Variants in TAS2R8 observed in about 807,000 individuals in gnomAD.
TAS2R8 encodes taste 2 receptor member 8.
For synonymous variants in TAS2R8, 139 were observed against 123.9 expected (o/e 1.12, Z -0.81); for missense variants, 396 against 358.1 (o/e 1.11, Z -0.85).
Position 10,807,135 on chromosome 12 carries a change from C to A in TAS2R8, c.-155G>T. Reference sequence around the variant, plus strand: ...TTGTTATTCTTCCGGAAGTGTTCAGCTCTCCTCTGAAATAGGATTGTCTCT... The same window carrying A: ...TTGTTATTCTTCCGGAAGTGTTCAGATCTCCTCTGAAATAGGATTGTCTCT... On this transcript the variant is annotated 5_prime_UTR_variant, in exon 1 of 1. Coordinates refer to ENST00000240615, the MANE Select transcript of TAS2R8 (RefSeq NM_023918.3). 1 of 653,626 alleles carries A rather than the reference C, an allele frequency of 1.5e-6. No individual in the cohort carries two copies. The highest frequency in any genetic ancestry group is 2.8e-5 in the East Asian group (1 of 36,026). 40.5% of individuals were successfully genotyped at this position (653,626 alleles called of 1,614,324 possible).
rs538088047 is a variant in TAS2R8, at chr12:10,807,231, A to T, written c.-251T>A. ...TTTATAGCCTGGAAAAATTATAATTATTATCCTTTAGTGAGTGATACCTGA... is the reference window on the plus strand; with the variant it reads ...TTTATAGCCTGGAAAAATTATAATTTTTATCCTTTAGTGAGTGATACCTGA... On this transcript the variant is annotated 5_prime_UTR_variant, in exon 1 of 1. Transcript: ENST00000240615. 2.5e-6 allele frequency: 1 copy of T among 407,874 alleles called. No homozygotes were observed. Among genetic ancestry groups the T allele is most frequent in the African/African-American group, 2.0e-5 (1 of 48,832 alleles). The allele number at this position is 407,874 out of a possible 1,614,324, so 25.3% of individuals were successfully genotyped here. A position where few individuals can be genotyped will look rare whatever the true frequency, so the allele number is the denominator to read the frequency against.
chr12:10,806,966 T>G lies in TAS2R8; in HGVS notation c.15A>C (p.Ala5=). The change falls in exon 1 of 1, where the codon GCA becomes GCC. Residue 5 remains alanine (A), a synonymous_variant. Coordinates refer to ENST00000240615, the MANE Select transcript of TAS2R8 (RefSeq NM_023918.3). The part of the protein sequence containing the change: MFSP[A]DNIFIILITG... Reference sequence around the variant, plus strand: ...TTATTAGGATTATAAAGATGTTATCTGCAGGACTGAACATGTTTGTAGAGA... The same window carrying G: ...TTATTAGGATTATAAAGATGTTATCGGCAGGACTGAACATGTTTGTAGAGA... The G allele has an allele frequency of 6.2e-7, 1 of 1,604,828 alleles. No individual in the cohort carries two copies. The highest frequency in any genetic ancestry group is 8.5e-7 in the Non-Finnish European group (1 of 1,176,752).
At position 10,806,067 on chromosome 12, in the gene TAS2R8, A is replaced by G. The variant is rs968721861; in HGVS notation, c.914T>C (p.Ile305Thr). ...GCTAAGATTTCATATCATGCAGGCA[A>G]TTTTTCTACATGTCAGCATTCTGAC... ...TFVRMLTCRK[I>T]ACMI The change falls in exon 1 of 1, where the codon ATT becomes ACT. Residue 305 changes from isoleucine to threonine, a missense_variant. Transcript: ENST00000240615. 1.0e-5 allele frequency: 16 copies of G among 1,592,490 alleles called. No homozygotes were observed. The highest frequency in any genetic ancestry group is 1.3e-5 in the Non-Finnish European group (15 of 1,172,628).
chr12:10,806,631 G>A lies in TAS2R8; in HGVS notation c.350C>T (p.Pro117Leu), dbSNP rs1205135931. 1 of 1,613,808 alleles carries A rather than the reference G, an allele frequency of 6.2e-7. No homozygotes were observed. The highest frequency in any genetic ancestry group is 1.3e-5 in the African/African-American group (1 of 74,920). The change falls in exon 1 of 1, where the codon CCA becomes CTA. Residue 117 changes from proline to leucine, a missense_variant. Physicochemically the swap from Pro to Leu is moderately conservative, Grantham distance 98. Coordinates refer to ENST00000240615, the MANE Select transcript of TAS2R8 (RefSeq NM_023918.3). ...YFLKIASSSH[P>L]LFLWLKWKID... The stretch of plus-strand genomic sequence containing the variant: ...TTTCCACTTCAGCCAGAGAAAAAGT[G>A]GATGAGAGGAACTGGCTATCTTCAG...
rs1468307612 is a variant in TAS2R8, at chr12:10,806,298, T to G, written c.683A>C (p.Glu228Ala). 6.2e-7 allele frequency: 1 copy of G among 1,613,664 alleles called. No homozygotes were observed. Among genetic ancestry groups the G allele is most frequent in the Non-Finnish European group, 8.5e-7 (1 of 1,179,912 alleles). ...YATGSRDPST[E>A]VHVRAIKTMT... ...AGTTTTAATGGCTCTCACATGAACTTCTGTGCTGGGGTCTCTACTGCCGGT... is the reference window on the plus strand; with the variant it reads ...AGTTTTAATGGCTCTCACATGAACTGCTGTGCTGGGGTCTCTACTGCCGGT... Residue 228 changes from glutamate to alanine, a missense_variant, in exon 1 of 1, where the codon GAA (glutamate) becomes GCA (alanine). Transcript: ENST00000240615.
chr12:10,806,751 G>T lies in TAS2R8; in HGVS notation c.230C>A (p.Thr77Lys), dbSNP rs79486663. 6.2e-7 allele frequency: 1 copy of T among 1,613,726 alleles called. No individual in the cohort carries two copies. ...IVIVLNPDVY[T>K]KNKQQIVIFT... Reference sequence around the variant, plus strand: ...AATGACTATCTGTTGTTTATTTTTTGTATAAACATCTGGGTTCAGTACTAT... The same window carrying T: ...AATGACTATCTGTTGTTTATTTTTTTTATAAACATCTGGGTTCAGTACTAT... The change falls in exon 1 of 1, where the codon ACA becomes AAA. Residue 77 changes from threonine (T) to lysine (K), a missense_variant. Coordinates refer to ENST00000240615, the MANE Select transcript of TAS2R8 (RefSeq NM_023918.3).
In TAS2R8 at chr12:10,806,781, A is replaced by G. The variant is rs148439408; in HGVS notation, c.200T>C (p.Ile67Thr). The part of the protein sequence containing the change: ...CLISVMVVNG[I>T]VIVLNPDVYT... Reference sequence around the variant, plus strand: ...AACATCTGGGTTCAGTACTATTACAATGCCATTTACAACCATTACACTGAT... The same window carrying G: ...AACATCTGGGTTCAGTACTATTACAGTGCCATTTACAACCATTACACTGAT... The change falls in exon 1 of 1, where the codon ATT becomes ACT. Residue 67 changes from isoleucine (I) to threonine (T), a missense_variant. Physicochemically the swap from Ile to Thr is moderately conservative, Grantham distance 89 (BLOSUM62 -1). Coordinates refer to ENST00000240615, the MANE Select transcript of TAS2R8 (RefSeq NM_023918.3). The G allele has an allele frequency of 6.2e-7, 1 of 1,613,946 alleles. No homozygotes were observed. The highest frequency in any genetic ancestry group is 8.5e-7 in the Non-Finnish European group (1 of 1,179,904).
At position 10,806,573 on chromosome 12, in the gene TAS2R8, T is replaced by C; in HGVS notation, c.408A>G (p.Gly136=). ...TGACCAACAAGGAAATGGCAAAGCA[T>C]CCCAGCAGGATCCAGTGCACCACCA... ...IDMVVHWILL[G]CFAISLLVSL... The change falls in exon 1 of 1, where the codon GGA becomes GGG. Residue 136 remains glycine (G), a synonymous_variant. Coordinates refer to ENST00000240615, the MANE Select transcript of TAS2R8 (RefSeq NM_023918.3). 6.2e-7 allele frequency: 1 copy of C among 1,613,858 alleles called. No individual in the cohort carries two copies. Among genetic ancestry groups the C allele is most frequent in the Non-Finnish European group, 8.5e-7 (1 of 1,179,908 alleles).
Position 10,807,063 on chromosome 12 carries a change from A to G in TAS2R8, c.-83T>C, listed in dbSNP as rs979941113. 3.1e-5 allele frequency: 34 copies of G among 1,095,572 alleles called. No individual in the cohort carries two copies. Among genetic ancestry groups the G allele is most frequent in the Middle Eastern group, 2.7e-4 (1 of 3,760 alleles). 67.9% of individuals were successfully genotyped at this position (1,095,572 alleles called of 1,614,324 possible). A position where few individuals can be genotyped will look rare whatever the true frequency, so the allele number is the denominator to read the frequency against. On this transcript the variant is annotated 5_prime_UTR_variant, in exon 1 of 1. Transcript: ENST00000240615. ...TGACCTGTTAAAGCATGATAGATCA[A>G]TTCTTCGAATCATGCAATAATGTTT...
chr12:10,807,014 A>G lies in TAS2R8; in HGVS notation c.-34T>C, dbSNP rs1261124531. ...AGAGAACAATCTGATTTCAAATATC[A>G]CTGTAGATGAGCTAATTTACAGGTG... On this transcript the variant is annotated 5_prime_UTR_variant, in exon 1 of 1. Transcript: ENST00000240615. 1.1e-5 allele frequency: 17 copies of G among 1,504,714 alleles called. No individual in the cohort carries two copies. Among genetic ancestry groups the G allele is most frequent in the Non-Finnish European group, 1.3e-5 (15 of 1,115,618 alleles). The allele number at this position is 1,504,714 out of a possible 1,614,324, so 93.2% of individuals were successfully genotyped here. A position where few individuals can be genotyped will look rare whatever the true frequency, so the allele number is the denominator to read the frequency against.
chr12:10,806,175 A>G lies in TAS2R8; in HGVS notation c.806T>C (p.Phe269Ser). ...LMTKYKLAVE[F>S]GEIAAILYPL... ...GTAGAGAATTGCTGCAATCTCTCCA[A>G]ACTCCACAGCTAACTTGTATTTTGT... The change falls in exon 1 of 1, where the codon TTT becomes TCT. Residue 269 changes from phenylalanine to serine, a missense_variant. Transcript: ENST00000240615. The G allele has an allele frequency of 6.2e-7, 1 of 1,613,648 alleles. No individual in the cohort carries two copies. The highest frequency in any genetic ancestry group is 8.5e-7 in the Non-Finnish European group (1 of 1,179,818).
In TAS2R8 at chr12:10,806,802, C is replaced by T. The variant is rs774628318; in HGVS notation, c.179G>A (p.Ser60Asn). 6.2e-7 allele frequency: 1 copy of T among 1,613,922 alleles called. No individual in the cohort carries two copies. The highest frequency in any genetic ancestry group is 2.2e-5 in the East Asian group (1 of 44,854). ...NLVIARICLI[S>N]VMVVNGIVIV... Reference sequence around the variant, plus strand: ...TACAATGCCATTTACAACCATTACACTGATCAAACAAATTCTGGCGATAAC... The same window carrying T: ...TACAATGCCATTTACAACCATTACATTGATCAAACAAATTCTGGCGATAAC... The change falls in exon 1 of 1, where the codon AGT becomes AAT. Residue 60 changes from serine to asparagine, a missense_variant. By Grantham distance (46) the Ser-to-Asn change is conservative. Transcript: ENST00000240615.
Position 10,807,202 on chromosome 12 carries a change from G to A in TAS2R8, c.-222C>T, listed in dbSNP as rs1477107186. 1 of 458,016 alleles carries A rather than the reference G, an allele frequency of 2.2e-6. No individual in the cohort carries two copies. Among genetic ancestry groups the A allele is most frequent in the African/African-American group, 2.0e-5 (1 of 49,806 alleles). The allele number at this position is 458,016 out of a possible 1,614,324, so 28.4% of individuals were successfully genotyped here. ...AACCAACTAATGAGCAGCTTGACTA[G>A]TTATTTATAGCCTGGAAAAATTATA... On this transcript the variant is annotated 5_prime_UTR_variant, in exon 1 of 1. Transcript: ENST00000240615.
rs1948719812 is a variant in TAS2R8, at chr12:10,806,062, A to T, written c.919T>A (p.Cys307Ser). The T allele has an allele frequency of 6.3e-7, 1 of 1,589,498 alleles. No individual in the cohort carries two copies. The highest frequency in any genetic ancestry group is 8.5e-7 in the Non-Finnish European group (1 of 1,171,512). The change falls in exon 1 of 1, where the codon TGC becomes AGC. Residue 307 changes from cysteine to serine, a missense_variant. By Grantham distance (112) the Cys-to-Ser change is moderately radical (BLOSUM62 -1). Transcript: ENST00000240615. ...ATACAGCTAAGATTTCATATCATGC[A>T]GGCAATTTTTCTACATGTCAGCATT... ...VRMLTCRKIA[C>S]MI
At position 10,806,538 on chromosome 12, in the gene TAS2R8, G is replaced by C. The variant is rs138116247; in HGVS notation, c.443C>G (p.Ala148Gly). 4.4e-5 allele frequency: 71 copies of C among 1,613,850 alleles called. No individual in the cohort carries two copies. In the African/African-American group the frequency reaches 9.1e-4, roughly 21 times the overall value. The part of the protein sequence containing the change: ...FAISLLVSLI[A>G]AIVLSCDYRF... ...ATAATCACAACTCAGTACTATTGCT[G>C]CTATAAGGCTGACCAACAAGGAAAT... Residue 148 changes from alanine (A) to glycine (G), a missense_variant, in exon 1 of 1, where the codon GCA becomes GGA. By Grantham distance (60) the Ala-to-Gly change is moderately conservative. Coordinates refer to ENST00000240615, the MANE Select transcript of TAS2R8 (RefSeq NM_023918.3).
Position 10,806,287 on chromosome 12 carries a change from T to C in TAS2R8, c.694A>G (p.Arg232Gly), listed in dbSNP as rs113282319. The change falls in exon 1 of 1, where the codon AGA (arginine) becomes GGA (glycine). Residue 232 changes from arginine (R) to glycine (G), a missense_variant. Coordinates refer to ENST00000240615, the MANE Select transcript of TAS2R8 (RefSeq NM_023918.3). ...SRDPSTEVHV[R>G]AIKTMTSFIF... ...AATGAAGTCATAGTTTTAATGGCTCTCACATGAACTTCTGTGCTGGGGTCT... is the reference window on the plus strand; with the variant it reads ...AATGAAGTCATAGTTTTAATGGCTCCCACATGAACTTCTGTGCTGGGGTCT... 1 of 1,613,722 alleles carries C rather than the reference T, an allele frequency of 6.2e-7. No homozygotes were observed. The highest frequency in any genetic ancestry group is 8.5e-7 in the Non-Finnish European group (1 of 1,179,876).
chr12:10,807,025 G>T lies in TAS2R8; in HGVS notation c.-45C>A, dbSNP rs1011163456. 8 of 1,461,430 alleles carry T rather than the reference G, an allele frequency of 5.5e-6. No individual in the cohort carries two copies. Among genetic ancestry groups the T allele is most frequent in the Non-Finnish European group, 7.4e-6 (8 of 1,081,400 alleles). The allele number at this position is 1,461,430 out of a possible 1,614,324, so 90.5% of individuals were successfully genotyped here. On this transcript the variant is annotated 5_prime_UTR_variant, in exon 1 of 1. Coordinates refer to ENST00000240615, the MANE Select transcript of TAS2R8 (RefSeq NM_023918.3). ...TGATTTCAAATATCACTGTAGATGA[G>T]CTAATTTACAGGTGACCTGTTAAAG...
chr12:10,806,628 A>G lies in TAS2R8; in HGVS notation c.353T>C (p.Leu118Pro), dbSNP rs1002409368. The change falls in exon 1 of 1, where the codon CTT (leucine) becomes CCT (proline). Residue 118 changes from leucine (L) to proline (P), a missense_variant. Transcript: ENST00000240615. ...FLKIASSSHP[L>P]FLWLKWKIDM... ...AATTTTCCACTTCAGCCAGAGAAAA[A>G]GTGGATGAGAGGAACTGGCTATCTT... 1.9e-6 allele frequency: 3 copies of G among 1,613,832 alleles called. No individual in the cohort carries two copies. The highest frequency in any genetic ancestry group is 2.7e-5 in the African/African-American group (2 of 74,938).
rs944328307 is a variant in TAS2R8 at position 10,806,122 on chromosome 12, C to T, written c.859G>A (p.Val287Ile). The change falls in exon 1 of 1, where the codon GTT becomes ATT. Residue 287 changes from valine (V) to isoleucine (I), a missense_variant. Coordinates refer to ENST00000240615, the MANE Select transcript of TAS2R8 (RefSeq NM_023918.3). ...GTCTGCCTCAGTTTATTATTTAAAA[C>T]AATTAAAATAAGTGAGTGACCCAAG... ...YPLGHSLILI[V>I]LNNKLRQTFV... 1 of 1,611,452 alleles carries T rather than the reference C, an allele frequency of 6.2e-7. No individual in the cohort carries two copies. The highest frequency in any genetic ancestry group is 8.5e-7 in the Non-Finnish European group (1 of 1,179,266).
Sources: allele counts gnomAD v4.1 joint callset, GRCh38; gene constraint gnomAD v4.1.1; transcripts MANE v1.5; gene names NCBI Gene and HGNC (gene_info 2026-07-23, HGNC 2026-07-21).